The following DACH1 variants were observed in gnomAD, a reference collection of about 807,000 sequenced individuals.
DACH1 encodes the protein dachshund family transcription factor 1.
A neutral mutation model predicts 54.2 loss-of-function variants in DACH1; 12 were observed. The observed-to-expected ratio is 0.22, with a 90% CI of 0.14 to 0.36. The LOEUF (loss-of-function observed/expected upper bound fraction) is 0.36. Ranked by LOEUF, DACH1 falls within the 10% of genes least tolerant of loss-of-function variation. The probability of loss-of-function intolerance (pLI) is 1.00; values close to 1 mark genes in which losing one functional copy is unlikely to be tolerated. For synonymous variants in DACH1, 386 were observed against 366.2 expected, an observed-to-expected ratio of 1.05 and a Z score of -0.62; for missense variants, 805 against 929.8, an observed-to-expected ratio of 0.87 and a Z score of 1.75.
intron 1 of DACH1, among the ~76,000 whole-genome samples, chr13:71,738,627 G>A (rs1029692139): frequency 1.3e-5 from 2 of 149,544 alleles, no homozygotes; most frequent in Admixed American, 6.7e-5. Context: ...AGCTACTCAG[G>A]AGGCTGAGGC....
intron 2 of DACH1, among the ~76,000 whole-genome samples, chr13:71,662,276 T>C (rs1156722128): frequency 6.6e-6 from 1 of 152,012 alleles, no homozygotes; most frequent in Non-Finnish European, 1.5e-5. Context: ...AATACTATTG[T>C]TAAAAGGGTT....
chr13:71,745,030 G>A (rs1488195731), intron 1 of DACH1, among the ~76,000 whole-genome samples: 2 of 152,006 alleles, frequency 1.3e-5, no homozygotes, highest in African/African-American at 4.8e-5. Flanking sequence ...ATATAAAGTG[G>A]CAATAATATC....
At chr13:71,792,151 T>C (rs1450342772) in intron 1 of DACH1, among the ~76,000 whole-genome samples, 1 of 152,204 alleles carries the variant, frequency 6.6e-6, no homozygotes, top group East Asian at 1.9e-4. Context: ...TAACATTTCA[T>C]ATATAACCCA....
chr13:71,619,758 T>C (rs754620845), intron 3 of DACH1, among the ~76,000 whole-genome samples: 2 of 151,940 alleles, frequency 1.3e-5, no homozygotes, highest in Non-Finnish European at 2.9e-5. Flanking sequence ...TGTGTATGAG[T>C]GTCTAGCTAA....
intron 1 of DACH1, among the ~76,000 whole-genome samples, chr13:71,858,768 C>T (rs184771975): frequency 6.6e-6 from 1 of 151,608 alleles, no homozygotes; most frequent in East Asian, 1.9e-4. Context: ...CTTTCTGTGC[C>T]TGGCTTATTT....
intron 6 of DACH1, among the ~76,000 whole-genome samples, chr13:71,489,539 G>T (rs899611844): frequency 7.2e-5 from 11 of 152,026 alleles, no homozygotes; most frequent in Non-Finnish European, 1.3e-4. Flanking sequence ...CCATATAAGA[G>T]AGGGGCTTTG....
At chr13:71,477,104 A>ATATTTT (rs1566282945) in intron 8 of DACH1, among the ~76,000 whole-genome samples, 1 of 43,254 alleles carries the variant, frequency 2.3e-5, no homozygotes, top group African/African-American at 8.6e-5. Flanking sequence ...ATATATATAT[A>ATATTTT]TTTTTTTTTT....
chr13:71,656,776 T>A (rs1228141075), intron 2 of DACH1, among the ~76,000 whole-genome samples: 1 of 149,348 alleles, frequency 6.7e-6, no homozygotes, highest in Non-Finnish European at 1.5e-5. Flanking sequence ...AGTTTTCAAG[T>A]CAGAATATAT....
chr13:71,829,169 T>C (rs1888492868), intron 1 of DACH1, among the ~76,000 whole-genome samples: 1 of 151,974 alleles, frequency 6.6e-6, no homozygotes, highest in Non-Finnish European at 1.5e-5. Context: ...CTATTTTATA[T>C]ACATGCTTTG....
At position 71,800,236 on chromosome 13, in the gene DACH1, T is replaced by A. The variant is rs535495190; in HGVS notation, c.848+65686A>T. ...TTTAATTCTTTCTAAGAACAACATC[T>A]GAGAAAGGAACTAAAATAAGGCACA... is the stretch of plus-strand genomic sequence containing the variant. On this transcript the variant is annotated intron_variant, in intron 1 of 10. Transcript: ENST00000613252. 3.3e-5 allele frequency among the ~76,000 whole-genome samples: 5 copies of A among 152,100 alleles called. No individual in the cohort carries two copies. The South Asian group carries it at 1.0e-3, about 32-fold the overall frequency.
intron 1 of DACH1, among the ~76,000 whole-genome samples, chr13:71,733,337 T>TTTGC (rs1222508342): frequency 1.3e-5 from 2 of 152,006 alleles, no homozygotes; most frequent in African/African-American, 2.4e-5. Flanking sequence ...AAGTTTTTTG[T>TTTGC]TTGCTTGTTT....
chr13:71,519,889 A>G lies in DACH1; in HGVS notation c.1571-30741T>C, dbSNP rs1304986745. ...TTGTGTCCAAACCAAAGTAGTATAT[A>G]TATATATATATATATATATCCTAAC... is the stretch of plus-strand genomic sequence containing the variant. On this transcript the variant is annotated intron_variant, in intron 6 of 10. Transcript: ENST00000613252. 2.5e-4 allele frequency among the ~76,000 whole-genome samples: 32 copies of G among 125,900 alleles called. 2 individuals carry two copies. The highest frequency in any genetic ancestry group is 5.2e-4 in the South Asian group (2 of 3,844). The allele number at this position is 125,900 out of a possible 152,430, so 82.6% of individuals were successfully genotyped here.
At chr13:71,772,230 A>T (rs1330455929) in intron 1 of DACH1, among the ~76,000 whole-genome samples, 2 of 151,726 alleles carry the variant, frequency 1.3e-5, no homozygotes, top group Non-Finnish European at 3.0e-5. Flanking sequence ...TTCCTTAATT[A>T]AACATACTAA....
At chr13:71,833,805 T>C (rs77174450) in intron 1 of DACH1, among the ~76,000 whole-genome samples, 2,037 of 152,146 alleles carry the variant, frequency 0.013, 39 homozygotes, top group African/African-American at 0.044. Context: ...TTAATAGTAA[T>C]TGATACAATA....
intron 1 of DACH1, among the ~76,000 whole-genome samples, chr13:71,685,454 TA>T (rs1881112705): frequency 6.6e-6 from 1 of 152,190 alleles, no homozygotes. Flanking sequence ...TAGGGACAAG[TA>T]AATCACTTAT....
chr13:71,866,879 A>G lies in DACH1; in HGVS notation c.-110T>C. On this transcript the variant is annotated 5_prime_UTR_variant, in exon 1 of 11. Transcript: ENST00000613252. The stretch of plus-strand genomic sequence containing the variant: ...GGGAGAAGGAGCGAGGGGGGCAACA[A>G]CAACTCCGGGAGAGAACGAGAAGGA... 1 of 817,994 alleles carries G rather than the reference A, an allele frequency of 1.2e-6. No individual in the cohort carries two copies. The highest frequency in any genetic ancestry group is 4.6e-5 in the Admixed American group (1 of 21,924). The allele number at this position is 817,994 out of a possible 1,614,324, so 50.7% of individuals were successfully genotyped here. A position where few individuals can be genotyped will look rare whatever the true frequency, so the allele number is the denominator to read the frequency against.
chr13:71,512,698 T>A (rs1348651617), intron 6 of DACH1, among the ~76,000 whole-genome samples: 1 of 151,984 alleles, frequency 6.6e-6, no homozygotes, highest in Non-Finnish European at 1.5e-5. Flanking sequence ...TGTATTCATG[T>A]GTAAATTGGC....
At chr13:71,629,511 C>T (rs1029390778) in intron 3 of DACH1, among the ~76,000 whole-genome samples, 5 of 152,124 alleles carry the variant, frequency 3.3e-5, no homozygotes, top group Non-Finnish European at 7.4e-5. Context: ...CTCTAATATT[C>T]ATGTCTGTGT....
At chr13:71,830,892 C>A (rs1289552584) in intron 1 of DACH1, among the ~76,000 whole-genome samples, 2 of 151,884 alleles carry the variant, frequency 1.3e-5, no homozygotes, top group Non-Finnish European at 2.9e-5. Flanking sequence ...TCTTCACAAT[C>A]AAATTCAGTC....
Sources: gnomAD v4.1 joint callset for allele counts (sites outside exome capture counted in the v4.1 genomes callset) on GRCh38, gnomAD v4.1.1 for gene constraint, MANE v1.5 for transcripts, NCBI Gene and HGNC (gene_info 2026-07-23, HGNC 2026-07-21) for gene names.